The following KCNIP1 variants were observed in gnomAD, a reference collection of about 807,000 sequenced individuals.
KCNIP1 encodes the protein A-type potassium channel modulatory protein KCNIP1.
A neutral mutation model predicts 33.0 loss-of-function variants in KCNIP1; 18 were observed. The ratio of observed to expected loss-of-function variants is 0.55; its 90% CI spans 0.38 to 0.81. The LOEUF is 0.81. Among genes scored for constraint, KCNIP1 ranks in the 30% least tolerant of loss-of-function variants. KCNIP1 has a pLI of 0.00. For missense variants in KCNIP1, 238 were observed against 271.6 expected (o/e 0.88, Z 0.87); for synonymous variants, 93 against 98.3 (o/e 0.95, Z 0.32).
At position 170,653,352 on chromosome 5, in the gene KCNIP1, G is replaced by C. The variant is rs118133687; in HGVS notation, c.62-65406G>C. Among the ~76,000 whole-genome samples the C allele has an allele frequency of 2.4e-4, 37 of 152,198 alleles. No individual in the cohort carries two copies. In the East Asian group the frequency reaches 7.1e-3, roughly 29 times the overall value. On this transcript the variant is annotated intron_variant, in intron 1 of 7. Transcript: ENST00000328939. ...TGTCCTTGGAAAAGAGCAGAAAGTG[G>C]TATCACGAACATATCTTCTCCTTTG...
chr5:170,615,200 G>C (rs764888721), intron 1 of KCNIP1, among the ~76,000 whole-genome samples: 1 of 152,216 alleles, frequency 6.6e-6, no homozygotes, highest in African/African-American at 2.4e-5. Context: ...GGGCGACAGA[G>C]TGGGATTCCA....
intron 1 of KCNIP1, among the ~76,000 whole-genome samples, chr5:170,576,999 A>G (rs944403029): frequency 4.6e-5 from 7 of 152,120 alleles, no homozygotes; most frequent in African/African-American, 1.4e-4. Flanking sequence ...ACCCTGCTCT[A>G]TGGGTGGGGG....
In KCNIP1 at chr5:170,355,763, C is replaced by A. The variant is rs188276630; in HGVS notation, c.88+1799C>A. ...GAGTCAGAATGCCTCCCTCTCTCTG[C>A]TCAGAATCCCAGAAACTAAGATCCA... On this transcript the variant is annotated intron_variant, in intron 1 of 7. Transcript: ENST00000377360. 5.3e-5 allele frequency among the ~76,000 whole-genome samples: 8 copies of A among 152,326 alleles called. No homozygotes were observed. The East Asian group carries it at 1.4e-3, about 26-fold the overall frequency.
intron 1 of KCNIP1, among the ~76,000 whole-genome samples, chr5:170,599,038 T>C (rs1758586638): frequency 6.6e-6 from 1 of 151,874 alleles, no homozygotes; most frequent in African/African-American, 2.4e-5. Flanking sequence ...CAGATCTCAA[T>C]ATCCTGTGCA....
upstream of KCNIP1, among the ~76,000 whole-genome samples, chr5:170,501,397 G>A (rs1418896329): frequency 2.6e-5 from 4 of 152,134 alleles, no homozygotes; most frequent in Admixed American, 1.3e-4. Flanking sequence ...GAACACCAGG[G>A]GTCAGGGAGG....
chr5:170,666,628 C>T (rs1180245509), intron 1 of KCNIP1, among the ~76,000 whole-genome samples: 2 of 152,152 alleles, frequency 1.3e-5, no homozygotes, highest in African/African-American at 4.8e-5. Context: ...CCAGCGTTAA[C>T]ATTTTGGGGT....
chr5:170,609,196 T>C (rs1430009707), intron 1 of KCNIP1, among the ~76,000 whole-genome samples: 1 of 152,328 alleles, frequency 6.6e-6, no homozygotes, highest in East Asian at 1.9e-4. Context: ...AGGCGCTTCC[T>C]CTCTTCCTTT....
chr5:170,723,755 G>A (rs889233183), intron 5 of KCNIP1, among the ~76,000 whole-genome samples: 2 of 152,156 alleles, frequency 1.3e-5, no homozygotes, highest in Non-Finnish European at 2.9e-5. Context: ...AAAGGAATCA[G>A]CAGGTAGAAG....
intron 1 of KCNIP1, among the ~76,000 whole-genome samples, chr5:170,373,244 G>C (rs2113311911): frequency 6.6e-6 from 1 of 152,330 alleles, no homozygotes; most frequent in South Asian, 2.1e-4. Context: ...TGGGGGACAG[G>C]ATCTGGGAGC....
chr5:170,714,546 C>T (rs1262411076), intron 1 of KCNIP1, among the ~76,000 whole-genome samples: 1 of 152,186 alleles, frequency 6.6e-6, no homozygotes, highest in Non-Finnish European at 1.5e-5. Context: ...AGCAACACAA[C>T]ATACACAATT....
At chr5:170,509,241 G>C (rs938547477) in intron 1 of KCNIP1, among the ~76,000 whole-genome samples, 1 of 152,178 alleles carries the variant, frequency 6.6e-6, no homozygotes, top group Non-Finnish European at 1.5e-5. Flanking sequence ...TGAGAACAGT[G>C]ATTCTACTCC....
chr5:170,506,019 A>T (rs1287812680), intron 1 of KCNIP1, among the ~76,000 whole-genome samples: 1 of 152,174 alleles, frequency 6.6e-6, no homozygotes, highest in Non-Finnish European at 1.5e-5. Context: ...AGATCCTGGG[A>T]TGCTGCTTGA....
intron 5 of KCNIP1, 53 bp downstream of exon 5, chr5:170,722,873 C>G (rs1763875592): frequency 8.4e-7 from 1 of 1,185,206 alleles, no homozygotes; most frequent in African/African-American, 1.5e-5. Context: ...GGTAACTAAC[C>G]CAACAGAAAA....
intron 1 of KCNIP1, among the ~76,000 whole-genome samples, chr5:170,699,555 TGAAAAAAAAAAA>T (rs1763020176): frequency 8.5e-6 from 1 of 118,224 alleles, no homozygotes; most frequent in Non-Finnish European, 1.7e-5. Context: ...AATTGCTCTG[TGAAAAAAAAAAA>T]AAAAAAAAAA....
intron 1 of KCNIP1, among the ~76,000 whole-genome samples, chr5:170,394,180 C>A (rs1754691773): frequency 6.6e-6 from 1 of 152,220 alleles, no homozygotes; most frequent in Non-Finnish European, 1.5e-5. Context: ...ACAGGACTCC[C>A]CGCTGGGGCC....
rs75991218 is a variant in KCNIP1, at chr5:170,393,434, C to T, written c.88+39470C>T. On this transcript the variant is annotated intron_variant, in intron 1 of 7. Coordinates refer to the KCNIP1 transcript ENST00000377360. ...TTAGTCACTCTCAGTCCTAGCGAAG[C>T]TGTGCGTTCACAGACATCCCAGCAC... Among the ~76,000 whole-genome samples, 1,521 of 152,336 alleles carry T rather than the reference C, an allele frequency of 1.0e-2. 27 individuals are homozygous for T. Among genetic ancestry groups the T allele is most frequent in the African/African-American group, 0.034 (1,428 of 41,582 alleles).
intron 1 of KCNIP1, among the ~76,000 whole-genome samples, chr5:170,629,758 G>A (rs527845204): frequency 2.0e-5 from 3 of 152,132 alleles, no homozygotes; most frequent in Non-Finnish European, 2.9e-5. Flanking sequence ...TCCCCAGCAC[G>A]CAGCATCTAG....
chr5:170,532,809 G>C (rs1037687651), intron 1 of KCNIP1, among the ~76,000 whole-genome samples: 3 of 152,130 alleles, frequency 2.0e-5, no homozygotes, highest in Admixed American at 6.5e-5. Flanking sequence ...CCAGTGACAA[G>C]CAACAAACTC....
chr5:170,446,611 T>A (rs1253181225), intron 1 of KCNIP1, among the ~76,000 whole-genome samples: 1 of 152,160 alleles, frequency 6.6e-6, no homozygotes, highest in Non-Finnish European at 1.5e-5. Flanking sequence ...ACAGGTGTAC[T>A]AGTATGCCCA....
Sources: gnomAD v4.1 joint callset for allele counts (sites outside exome capture counted in the v4.1 genomes callset) on GRCh38, gnomAD v4.1.1 for gene constraint, MANE v1.5 for transcripts, NCBI Gene and HGNC (gene_info 2026-07-23, HGNC 2026-07-21) for gene names.